The following SUGCT variants were observed in gnomAD, a reference collection of about 807,000 sequenced individuals.
The protein encoded by SUGCT is succinyl-CoA:glutarate-CoA transferase, also known as succinyl-CoA:glutarate CoA-transferase.
A neutral mutation model predicts 55.0 loss-of-function variants in SUGCT; 41 were observed. The ratio of observed to expected loss-of-function variants is 0.74; its 90% confidence interval spans 0.58 to 0.97. SUGCT has a LOEUF of 0.97. Among genes scored for constraint, SUGCT ranks in the 50% least tolerant of loss-of-function variants. The probability of loss-of-function intolerance (pLI) is 0.00; values close to 1 mark genes in which losing one functional copy is unlikely to be tolerated. For missense variants in SUGCT, 568 were observed against 547.8 expected (o/e 1.04, Z -0.37); for synonymous variants, 187 against 200.4 (o/e 0.93, Z 0.56).
chr7:40,868,326 C>T, the SUGCT span, among the ~76,000 whole-genome samples: 2 of 152,126 alleles, frequency 1.3e-5, no homozygotes, highest in African/African-American at 2.4e-5. Context: ...CACCCCTCAC[C>T]CCACAACAGG....
chr7:40,362,426 C>G (rs543943658), intron 9 of SUGCT, among the ~76,000 whole-genome samples: 1 of 151,662 alleles, frequency 6.6e-6, no homozygotes, highest in African/African-American at 2.4e-5. Context: ...CCCCGCCGCT[C>G]CCCCCTCAAA....
At chr7:40,764,009 A>G (rs552988900) in intron 13 of SUGCT, among the ~76,000 whole-genome samples, 2 of 152,300 alleles carry the variant, frequency 1.3e-5, no homozygotes, top group South Asian at 2.1e-4. Flanking sequence ...CTCTTCCCCA[A>G]CTGTCCTGCA....
At chr7:40,870,148 C>G in the SUGCT span, among the ~76,000 whole-genome samples, 1 of 152,112 alleles carries the variant, frequency 6.6e-6, no homozygotes, top group African/African-American at 2.4e-5. Context: ...GAACTTAATT[C>G]TCTCAAAATT....
chr7:40,222,669 C>CT (rs1201986487), intron 6 of SUGCT, among the ~76,000 whole-genome samples: 4 of 152,162 alleles, frequency 2.6e-5, no homozygotes, highest in East Asian at 1.9e-4. Context: ...TGGCGAAACT[C>CT]TATCTTTACT....
intron 12 of SUGCT, among the ~76,000 whole-genome samples, chr7:40,575,459 C>T (rs780395739): frequency 1.3e-5 from 2 of 152,188 alleles, no homozygotes; most frequent in Non-Finnish European, 2.9e-5. Context: ...AAGTTGATGC[C>T]TAGTAGCTTC....
At position 40,459,086 on chromosome 7, in the gene SUGCT, A is replaced by AT. The variant is rs756244973; in HGVS notation, c.889-8dup. 17 of 1,574,944 alleles carry AT rather than the reference A, an allele frequency of 1.1e-5. No individual in the cohort carries two copies. The highest frequency in any genetic ancestry group is 3.3e-5 in the Admixed American group (2 of 59,762). On this transcript the variant is annotated splice_polypyrimidine_tract_variant and intron_variant, in intron 10 of 13. Transcript: ENST00000335693. ...TACCTATTTCTTATACTGGAAAATTATTTTTTTCTTTTAGATCTTGGATTT... is the reference window on the plus strand; with the variant it reads ...TACCTATTTCTTATACTGGAAAATTATTTTTTTTCTTTTAGATCTTGGATTT...
chr7:40,195,040 T>A lies in SUGCT; in HGVS notation c.464T>A (p.Ile155Asn), dbSNP rs2150748537. 1 of 1,613,492 alleles carries A rather than the reference T, an allele frequency of 6.2e-7. No individual in the cohort carries two copies. Among genetic ancestry groups the A allele is most frequent in the South Asian group, 1.1e-5 (1 of 90,998 alleles). Reference sequence around the variant, plus strand: ...GATATAGACGAGATTGCTCCTCACATCATCTATTGTTCCATCACAGGTATT... The same window carrying A: ...GATATAGACGAGATTGCTCCTCACAACATCTATTGTTCCATCACAGGTATT... ...YEDIDEIAPH[I>N]IYCSITGYGQ... Residue 155 changes from isoleucine to asparagine, a missense_variant, in exon 6 of 14, where the codon ATC becomes AAC. Physicochemically the swap from Ile to Asn is moderately radical, Grantham distance 149. Coordinates refer to ENST00000335693, the MANE Select transcript of SUGCT (RefSeq NM_001193313.2).
intron 9 of SUGCT, among the ~76,000 whole-genome samples, chr7:40,359,754 T>C (rs1420124262): frequency 2.0e-5 from 3 of 152,142 alleles, no homozygotes; most frequent in Non-Finnish European, 1.5e-5. Flanking sequence ...TAGAGCTAGA[T>C]TGTGGAGATT....
the SUGCT span, among the ~76,000 whole-genome samples, chr7:40,926,469 A>G: frequency 6.6e-6 from 1 of 152,088 alleles, no homozygotes; most frequent in Non-Finnish European, 1.5e-5. Flanking sequence ...AAAAACTTAG[A>G]ATAAAGTAAT....
chr7:40,376,484 C>T (rs978410496), intron 9 of SUGCT, among the ~76,000 whole-genome samples: 2 of 151,688 alleles, frequency 1.3e-5, no homozygotes, highest in South Asian at 4.2e-4. Context: ...CTCTGCCTTC[C>T]GGGTTTAAGC....
chr7:40,346,728 T>C (rs1797333791), intron 9 of SUGCT, among the ~76,000 whole-genome samples: 2 of 152,114 alleles, frequency 1.3e-5, no homozygotes, highest in Non-Finnish European at 2.9e-5. Flanking sequence ...GAAGTAATTA[T>C]GGTTAAATGA....
the SUGCT span, among the ~76,000 whole-genome samples, chr7:40,903,775 C>T: frequency 5.3e-5 from 8 of 152,058 alleles, no homozygotes; most frequent in Non-Finnish European, 1.0e-4. Flanking sequence ...CCAAATGTTA[C>T]CTTACATCCT....
chr7:40,846,161 A>G (rs1024196310), intron 13 of SUGCT, among the ~76,000 whole-genome samples: 3 of 152,236 alleles, frequency 2.0e-5, no homozygotes, highest in African/African-American at 7.2e-5. Flanking sequence ...TATAGACTTC[A>G]GCTGAACCAA....
rs1013829725 is a variant in SUGCT, at chr7:40,492,097, A to G, written c.987-4187A>G. Among the ~76,000 whole-genome samples, 34 of 152,190 alleles carry G rather than the reference A, an allele frequency of 2.2e-4. 1 individual carries two copies. Among genetic ancestry groups the G allele is most frequent in the African/African-American group, 8.2e-4 (34 of 41,452 alleles). On this transcript the variant is annotated intron_variant, in intron 11 of 13. Coordinates refer to ENST00000335693, the MANE Select transcript of SUGCT (RefSeq NM_001193313.2). ...TAACATCATCAAATACTACATAGTG[A>G]TGTAGTGTGACAACCATGAAAAGAA... is the stretch of plus-strand genomic sequence containing the variant.
At chr7:40,876,260 A>T in the SUGCT span, among the ~76,000 whole-genome samples, 4 of 152,230 alleles carry the variant, frequency 2.6e-5, no homozygotes, top group African/African-American at 9.6e-5. Context: ...CACTGTCTTC[A>T]TCTCTATCTC....
chr7:40,194,161 G>A (rs1786107527), intron 5 of SUGCT, among the ~76,000 whole-genome samples: 1 of 152,144 alleles, frequency 6.6e-6, no homozygotes, highest in Admixed American at 6.5e-5. Context: ...GAATGCATCT[G>A]AAAGGTGTGA....
intron 12 of SUGCT, among the ~76,000 whole-genome samples, chr7:40,734,249 A>C (rs192198928): frequency 6.6e-6 from 1 of 152,192 alleles, no homozygotes; most frequent in Non-Finnish European, 1.5e-5. Flanking sequence ...TGTGTCCCCA[A>C]TGACTCTTTT....
At chr7:40,596,810 G>A (rs1798028232) in intron 12 of SUGCT, among the ~76,000 whole-genome samples, 1 of 152,144 alleles carries the variant, frequency 6.6e-6, no homozygotes, top group African/African-American at 2.4e-5. Context: ...GCATTGAACA[G>A]ACTAGTGACA....
intron 1 of SUGCT, among the ~76,000 whole-genome samples, chr7:40,180,224 A>T (rs1785119261): frequency 6.6e-6 from 1 of 151,832 alleles, no homozygotes; most frequent in African/African-American, 2.4e-5. Flanking sequence ...CCCGGGTTCA[A>T]AGGATCCTCC....
Sources: gnomAD v4.1 joint callset for allele counts (sites outside exome capture counted in the v4.1 genomes callset) on GRCh38, gnomAD v4.1.1 for gene constraint, MANE v1.5 for transcripts, NCBI Gene and HGNC (gene_info 2026-07-23, HGNC 2026-07-21) for gene names.